LSAMP: variants seen among roughly 807,000 people sequenced by gnomAD.
The protein encoded by LSAMP is limbic system-associated membrane protein.
In LSAMP, 7 loss-of-function variants were observed where a neutral mutation model predicts 38.6. The observed-to-expected ratio is 0.18, with a 90% CI of 0.10 to 0.34. LSAMP has a LOEUF of 0.34. LSAMP is among the 10% of genes least tolerant of loss of function. The pLI is 1.00. For synonymous variants in LSAMP, 154 were observed against 166.8 expected (o/e 0.92, Z 0.59); for missense variants, 313 against 420.0 (o/e 0.75, Z 2.23).
intron 1 of LSAMP, among the ~76,000 whole-genome samples, chr3:116,403,103 C>T (rs975726579): frequency 5.9e-5 from 9 of 152,098 alleles, no homozygotes; most frequent in Admixed American, 3.9e-4. Context: ...TCAGTCTTTC[C>T]GAACTTGTAG....
At chr3:116,268,166 G>A (rs1415723656) in intron 1 of LSAMP, among the ~76,000 whole-genome samples, 2 of 151,470 alleles carry the variant, frequency 1.3e-5, no homozygotes, top group African/African-American at 4.9e-5. Context: ...CCTTTTTCCA[G>A]TTTCTTTGTA....
intron 3 of LSAMP, among the ~76,000 whole-genome samples, chr3:115,931,638 G>A (rs139031684): frequency 2.0e-5 from 3 of 152,260 alleles, no homozygotes; most frequent in Non-Finnish European, 2.9e-5. Context: ...TCATGCAAAT[G>A]TTTAAATTGA....
At chr3:115,857,768 T>G (rs1935553603) in intron 3 of LSAMP, among the ~76,000 whole-genome samples, 1 of 152,238 alleles carries the variant, frequency 6.6e-6, no homozygotes, top group Non-Finnish European at 1.5e-5. Context: ...ATATCCCTTC[T>G]TAGTCACTGT....
chr3:116,331,925 AG>A (rs1249656294), intron 1 of LSAMP, among the ~76,000 whole-genome samples: 1 of 152,076 alleles, frequency 6.6e-6, no homozygotes, highest in East Asian at 1.9e-4. Flanking sequence ...CTCACCTTGA[AG>A]ATCTGGGCTC....
chr3:115,983,482 C>T (rs1247206058), intron 3 of LSAMP, among the ~76,000 whole-genome samples: 1 of 152,122 alleles, frequency 6.6e-6, no homozygotes, highest in East Asian at 1.9e-4. Flanking sequence ...GATTGCACCA[C>T]TGCCCTCCAG....
intron 3 of LSAMP, among the ~76,000 whole-genome samples, chr3:115,853,941 A>G (rs1265949618): frequency 1.3e-5 from 2 of 152,194 alleles, no homozygotes; most frequent in African/African-American, 2.4e-5. Context: ...TGACCAAATC[A>G]ACGTAACAGA....
At chr3:116,170,645 C>T (rs555543556) in intron 1 of LSAMP, among the ~76,000 whole-genome samples, 13 of 152,060 alleles carry the variant, frequency 8.5e-5, no homozygotes, top group South Asian at 4.2e-4. Flanking sequence ...ATAATAACAA[C>T]GATTTTAGGT....
chr3:116,281,017 G>A (rs1316665339), intron 1 of LSAMP, among the ~76,000 whole-genome samples: 1 of 152,168 alleles, frequency 6.6e-6, no homozygotes, highest in East Asian at 1.9e-4. Context: ...AGACAGGAAG[G>A]AAAGAGTGAA....
intron 3 of LSAMP, among the ~76,000 whole-genome samples, chr3:115,939,547 T>TCTTC: frequency 1.1e-5 from 1 of 88,110 alleles, no homozygotes; most frequent in Non-Finnish European, 2.6e-5. Flanking sequence ...TTTCTTTCTT[T>TCTTC]CTTTCTTTCT....
chr3:115,998,241 C>T (rs917576749), intron 3 of LSAMP, among the ~76,000 whole-genome samples: 1 of 151,832 alleles, frequency 6.6e-6, no homozygotes, highest in Non-Finnish European at 1.5e-5. Flanking sequence ...GATTTCATTT[C>T]AAGAGATTCT....
intron 1 of LSAMP, among the ~76,000 whole-genome samples, chr3:116,389,912 A>G (rs1459704448): frequency 6.6e-6 from 1 of 152,200 alleles, no homozygotes; most frequent in Admixed American, 6.5e-5. Flanking sequence ...TTTTAGCCCA[A>G]GGAATGAGCA....
At chr3:116,200,604 C>A (rs1175202308) in intron 1 of LSAMP, among the ~76,000 whole-genome samples, 1 of 152,178 alleles carries the variant, frequency 6.6e-6, no homozygotes, top group Non-Finnish European at 1.5e-5. Flanking sequence ...TATTCTTTGT[C>A]ATAAAATCAC....
chr3:116,197,954 CCAGT>C (rs1239875469), intron 1 of LSAMP, among the ~76,000 whole-genome samples: 1 of 145,070 alleles, frequency 6.9e-6, no homozygotes, highest in Non-Finnish European at 1.5e-5. Context: ...TCCAATTTCA[CCAGT>C]CAAAGAAAGG....
intron 1 of LSAMP, among the ~76,000 whole-genome samples, chr3:116,156,589 A>T (rs560615653): frequency 5.9e-5 from 9 of 152,198 alleles, no homozygotes; most frequent in African/African-American, 1.9e-4. Flanking sequence ...AAATGGTTCA[A>T]AGTGCTACAT....
intron 3 of LSAMP, among the ~76,000 whole-genome samples, chr3:115,912,569 G>A (rs548441802): frequency 6.6e-6 from 1 of 152,276 alleles, no homozygotes; most frequent in Non-Finnish European, 1.5e-5. Context: ...TCTTGGCAAG[G>A]GATACTGTGT....
intron 1 of LSAMP, among the ~76,000 whole-genome samples, chr3:116,315,532 T>C (rs2047617061): frequency 6.6e-6 from 1 of 152,186 alleles, no homozygotes; most frequent in Admixed American, 6.5e-5. Context: ...GAATTCTCCA[T>C]TGATTACAGA....
intron 1 of LSAMP, among the ~76,000 whole-genome samples, chr3:116,317,356 CTTTT>C (rs71616348): frequency 2.9e-5 from 4 of 140,038 alleles, no homozygotes; most frequent in Admixed American, 7.2e-5. Context: ...CTCTTTCTTT[CTTTT>C]TTTTTTTTTT....
At chr3:116,443,580 G>C (rs944617466) in intron 1 of LSAMP, among the ~76,000 whole-genome samples, 3 of 152,136 alleles carry the variant, frequency 2.0e-5, no homozygotes, top group Non-Finnish European at 4.4e-5. Flanking sequence ...CTGAGAAAAG[G>C]AAAGAAAACT....
intron 1 of LSAMP, among the ~76,000 whole-genome samples, chr3:116,327,454 A>G (rs1167593961): frequency 2.6e-5 from 4 of 152,066 alleles, no homozygotes; most frequent in Non-Finnish European, 5.9e-5. Flanking sequence ...TCAGGATTTT[A>G]TCCTCTAAAT....
Sources: gnomAD v4.1 joint callset for allele counts (sites outside exome capture counted in the v4.1 genomes callset) on GRCh38, gnomAD v4.1.1 for gene constraint, MANE v1.5 for transcripts, NCBI Gene and HGNC (gene_info 2026-07-23, HGNC 2026-07-21) for gene names.